The following ANXA8 variants were observed in gnomAD, a reference collection of about 807,000 sequenced individuals.
The protein encoded by ANXA8 is annexin A8.
In ANXA8, 9 loss-of-function variants were observed where a neutral mutation model predicts 26.8. The observed-to-expected ratio is 0.34, with a 90% CI of 0.20 to 0.59. The LOEUF (loss-of-function observed/expected upper bound fraction) is 0.59. Among genes scored for constraint, ANXA8 ranks in the 20% least tolerant of loss-of-function variants. The probability of loss-of-function intolerance (pLI) is 0.84; values close to 1 mark genes in which losing one functional copy is unlikely to be tolerated. For synonymous variants in ANXA8, 39 were observed against 94.8 expected, an observed-to-expected ratio of 0.41 and a Z score of 3.42; for missense variants, 83 against 238.5, an observed-to-expected ratio of 0.35 and a Z score of 4.29.
the ANXA8 span, among the ~76,000 whole-genome samples, chr10:47,591,575 C>A: frequency 4.9e-5 from 7 of 142,202 alleles, no homozygotes; most frequent in Admixed American, 3.4e-4. Flanking sequence ...TCCCAAGTAG[C>A]TGGGACTACA....
chr10:47,628,952 A>C, the ANXA8 span, among the ~76,000 whole-genome samples: 1 of 126,000 alleles, frequency 7.9e-6, no homozygotes, highest in Admixed American at 8.0e-5. Context: ...ATTATAATAC[A>C]AGGCATACAA....
chr10:47,612,859 A>G, the ANXA8 span, among the ~76,000 whole-genome samples: 6,029 of 73,342 alleles, frequency 0.082, 2,146 homozygotes, highest in African/African-American at 0.23. Flanking sequence ...GATATGCCCC[A>G]TCGACCTTGG....
At chr10:47,939,129 G>A in the ANXA8 span, among the ~76,000 whole-genome samples, 3 of 145,336 alleles carry the variant, frequency 2.1e-5, no homozygotes, top group South Asian at 2.2e-4. Context: ...CTGCATAAAA[G>A]CCCATCTCTA....
At chr10:47,982,082 G>A in the ANXA8 span, among the ~76,000 whole-genome samples, 2 of 151,142 alleles carry the variant, frequency 1.3e-5, no homozygotes, top group African/African-American at 4.8e-5. Context: ...TGAGCCCAGA[G>A]TTTGAGATTA....
At chr10:47,596,168 A>G in the ANXA8 span, among the ~76,000 whole-genome samples, 4 of 118,568 alleles carry the variant, frequency 3.4e-5, 1 homozygote, top group African/African-American at 1.5e-4. Flanking sequence ...ATTACTCTTG[A>G]ATGACTTTTG....
At chr10:47,664,395 A>T in the ANXA8 span, among the ~76,000 whole-genome samples, 1 of 150,998 alleles carries the variant, frequency 6.6e-6, no homozygotes, top group African/African-American at 2.4e-5. Flanking sequence ...AAATAAATAA[A>T]TAATAAAAAT....
the ANXA8 span, among the ~76,000 whole-genome samples, chr10:47,675,636 T>C: frequency 1.3e-5 from 2 of 151,808 alleles, no homozygotes; most frequent in East Asian, 3.9e-4. Flanking sequence ...AATTGTCATG[T>C]CTTTTTCTGG....
At chr10:47,706,769 A>T in the ANXA8 span, 2 of 1,204,024 alleles carry the variant, frequency 1.7e-6, no homozygotes, top group Non-Finnish European at 2.4e-6. Flanking sequence ...TTCTGCTGCA[A>T]AGCCCGAGGA....
the ANXA8 span, among the ~76,000 whole-genome samples, chr10:47,614,665 C>T: frequency 6.1e-5 from 4 of 65,462 alleles, 1 homozygote; most frequent in Non-Finnish European, 1.5e-4. Context: ...TTTCTTTTTT[C>T]TTTTTTTTTT....
the ANXA8 span, among the ~76,000 whole-genome samples, chr10:47,658,319 G>T: frequency 6.6e-6 from 1 of 151,304 alleles, no homozygotes; most frequent in Non-Finnish European, 1.5e-5. Flanking sequence ...CCGGGAGACG[G>T]AGGTTGCAGT....
chr10:47,572,585 C>T, the ANXA8 span, among the ~76,000 whole-genome samples: 3 of 150,602 alleles, frequency 2.0e-5, no homozygotes, highest in Admixed American at 6.6e-5. Flanking sequence ...GGCGTGGTGG[C>T]GGGCACCTGT....
the ANXA8 span, among the ~76,000 whole-genome samples, chr10:47,507,862 G>C: frequency 5.8e-5 from 6 of 103,290 alleles, no homozygotes; most frequent in Non-Finnish European, 1.9e-5. Flanking sequence ...CTTTTCTACC[G>C]ATGAAACCTT....
chr10:47,725,506 T>C, the ANXA8 span, among the ~76,000 whole-genome samples: 1 of 127,790 alleles, frequency 7.8e-6, no homozygotes, highest in East Asian at 2.2e-4. Flanking sequence ...TTAAGTTTTG[T>C]ATATGGGATA....
chr10:47,659,164 C>T, the ANXA8 span, among the ~76,000 whole-genome samples: 2 of 151,820 alleles, frequency 1.3e-5, no homozygotes. Context: ...AACCACTGCA[C>T]CCGGCTGTGT....
chr10:47,506,781 A>T, the ANXA8 span, among the ~76,000 whole-genome samples: 1 of 144,402 alleles, frequency 6.9e-6, no homozygotes, highest in Non-Finnish European at 1.5e-5. Flanking sequence ...GTGGGACTAC[A>T]GGTGCGTGCC....
At chr10:47,492,145 T>A in the ANXA8 span, among the ~76,000 whole-genome samples, 533 of 151,190 alleles carry the variant, frequency 3.5e-3, 5 homozygotes, top group Middle Eastern at 6.8e-3. Flanking sequence ...TGGGCAGTCC[T>A]TTGAGTCATG....
At chr10:47,768,127 G>C in the ANXA8 span, among the ~76,000 whole-genome samples, 2,036 of 150,992 alleles carry the variant, frequency 0.013, 39 homozygotes, top group Middle Eastern at 0.072. Context: ...GTCACCTCTG[G>C]GCACTCAGCT....
chr10:47,959,263 C>G, the ANXA8 span, among the ~76,000 whole-genome samples: 2 of 147,174 alleles, frequency 1.4e-5, no homozygotes, highest in Admixed American at 1.3e-4. Context: ...GGTTGCATGA[C>G]CTGTAGGTAA....
the ANXA8 span, among the ~76,000 whole-genome samples, chr10:47,594,244 C>T: frequency 6.7e-6 from 1 of 149,950 alleles, no homozygotes; most frequent in African/African-American, 2.5e-5. Flanking sequence ...TACTTCGGTA[C>T]CTATAGAGAA....
Sources: allele counts gnomAD v4.1 joint callset (sites outside exome capture counted in the v4.1 genomes callset), GRCh38; gene constraint gnomAD v4.1.1; transcripts MANE v1.5; gene names NCBI Gene and HGNC (gene_info 2026-07-23, HGNC 2026-07-21).